The following TNKS2 variants were observed in gnomAD, a reference collection of about 807,000 sequenced individuals.
The protein encoded by TNKS2 is poly [ADP-ribose] polymerase tankyrase-2.
In TNKS2, 72 loss-of-function variants were observed where a neutral mutation model predicts 137.6. The observed-to-expected ratio is 0.52, with a 90% CI of 0.43 to 0.64. The LOEUF is 0.64. Among genes scored for constraint, TNKS2 ranks in the 30% least tolerant of loss-of-function variants. TNKS2 has a pLI of 0.00. For synonymous variants in TNKS2, 516 were observed against 512.1 expected, an observed-to-expected ratio of 1.01 and a Z score of -0.10; for missense variants, 1,049 against 1,410.2, an observed-to-expected ratio of 0.74 and a Z score of 4.10.
rs1341703736 is a variant in TNKS2, at chr10:91,798,895, CG to C, written c.199+10del. 4 of 1,377,982 alleles carry C rather than the reference CG, an allele frequency of 2.9e-6. No homozygotes were observed. Among genetic ancestry groups the C allele is most frequent in the South Asian group, 3.4e-5 (2 of 59,406 alleles). 85.4% of individuals were successfully genotyped at this position (1,377,982 alleles called of 1,614,324 possible). ...CCCGCTGCACTTCGCCGCAGGTAACCGGGGCCAGCGTCCCCTCGCCTCGCTC... is the reference window on the plus strand; with the variant it reads ...CCCGCTGCACTTCGCCGCAGGTAACCGGGCCAGCGTCCCCTCGCCTCGCTC... On this transcript the variant is annotated splice_region_variant and intron_variant, in intron 1 of 26. Coordinates refer to ENST00000371627, the MANE Select transcript of TNKS2 (RefSeq NM_025235.4).
At chr10:91,816,994 C>A in intron 2 of TNKS2, 140 bp from the exon 3 acceptor site, 1 of 557,958 alleles carries the variant, frequency 1.8e-6, no homozygotes, top group Non-Finnish European at 3.3e-6. Context: ...TAAAATGTAA[C>A]ATTCCCATTC....
At chr10:91,849,461 A>T in intron 19 of TNKS2, 51 bp from the exon 20 acceptor site, 1 of 1,409,750 alleles carries the variant, frequency 7.1e-7, no homozygotes, top group Non-Finnish European at 9.9e-7. Flanking sequence ...GTGATGAAAT[A>T]CATTATTCTG....
At chr10:91,810,908 C>CTTTCTCTCTTT (rs1472899869) in intron 1 of TNKS2, among the ~76,000 whole-genome samples, 1 of 56,734 alleles carries the variant, frequency 1.8e-5, no homozygotes, top group South Asian at 9.6e-4. Context: ...TTTTCTTTCT[C>CTTTCTCTCTTT]TCTTTTCTTT....
At chr10:91,825,195 C>A (rs751479497) in intron 7 of TNKS2, among the ~76,000 whole-genome samples, 2 of 152,016 alleles carry the variant, frequency 1.3e-5, no homozygotes, top group Non-Finnish European at 2.9e-5. Flanking sequence ...GCAACCTTCC[C>A]GGGCTCAGGT....
intron 1 of TNKS2, among the ~76,000 whole-genome samples, chr10:91,801,225 A>G (rs1321490844): frequency 1.3e-5 from 2 of 152,220 alleles, no homozygotes; most frequent in Non-Finnish European, 1.5e-5. Context: ...AAGTTAGTTC[A>G]ATTAAAAGAA....
chr10:91,836,877 A>C, intron 12 of TNKS2, 42 bp from the exon 13 acceptor site: 1 of 1,590,648 alleles, frequency 6.3e-7, no homozygotes. Flanking sequence ...TCCATCTTCC[A>C]AATAGAGGTT....
chr10:91,815,911 A>G (rs1844677006), intron 2 of TNKS2, among the ~76,000 whole-genome samples: 1 of 151,488 alleles, frequency 6.6e-6, no homozygotes, highest in Non-Finnish European at 1.5e-5. Flanking sequence ...AATAATACAA[A>G]TAATAATACA....
chr10:91,841,488 T>C, intron 15 of TNKS2, 40 bp downstream of exon 15: 1 of 1,471,788 alleles, frequency 6.8e-7, no homozygotes, highest in Non-Finnish European at 9.1e-7. Flanking sequence ...ATGAATTACA[T>C]AGCATATGTT....
At chr10:91,838,398 T>A (rs7906805) in intron 13 of TNKS2, among the ~76,000 whole-genome samples, 49,328 of 151,760 alleles carry the variant, frequency 0.33, 8,465 homozygotes, top group South Asian at 0.53. Flanking sequence ...TCTGTACGAA[T>A]CACTGGGACA....
intron 1 of TNKS2, chr10:91,807,404 G>A (rs558994006): frequency 1.6e-4 from 264 of 1,614,038 alleles, no homozygotes; most frequent in Non-Finnish European, 2.0e-4. Flanking sequence ...TCTCGGCAGC[G>A]CGGCTGAACT....
In TNKS2 at chr10:91,842,384, T is replaced by G. The variant is rs755842324; in HGVS notation, c.2052T>G (p.His684Gln). ...AAGGCAGACATTCAACACCTTTACA[T>G]TTAGCAGGTAAGTGAATGAAGTTTC... Reference protein sequence around the residue: ...DTQGRHSTPLHLAAGYNNLEV... With the variant: ...DTQGRHSTPLQLAAGYNNLEV... The change falls in exon 16 of 27, where the codon CAT (histidine) becomes CAG (glutamine). Residue 684 changes from histidine (H) to glutamine (Q), a missense_variant. Coordinates refer to ENST00000371627, the MANE Select transcript of TNKS2 (RefSeq NM_025235.4). 7 of 1,613,796 alleles carry G rather than the reference T, an allele frequency of 4.3e-6. No homozygotes were observed. The Admixed American group carries it at 1.2e-4, about 27-fold the overall frequency.
chr10:91,807,192 A>G (rs1195289133), intron 1 of TNKS2: 25 of 1,607,498 alleles, frequency 1.6e-5, no homozygotes, highest in Admixed American at 3.3e-5. Context: ...CTCAGTTTCC[A>G]TGGTAACATT....
At chr10:91,854,946 G>T in intron 21 of TNKS2, 83 bp from the exon 22 acceptor site, 7 of 641,308 alleles carry the variant, frequency 1.1e-5, no homozygotes, top group South Asian at 2.1e-5. Flanking sequence ...GTAAGAATCA[G>T]AAAAATTAGG....
intron 7 of TNKS2, among the ~76,000 whole-genome samples, chr10:91,823,154 T>C (rs574126996): frequency 3.7e-4 from 56 of 152,166 alleles, no homozygotes; most frequent in South Asian, 2.1e-3. Context: ...GTGAATCATA[T>C]TTTGTTAAAA....
At chr10:91,848,684 A>G (rs771957186) in intron 19 of TNKS2, 49 bp downstream of exon 19, 3 of 1,589,948 alleles carry the variant, frequency 1.9e-6, no homozygotes, top group Admixed American at 3.5e-5. Flanking sequence ...GTAGCCCCGT[A>G]TTTGTCATTT....
chr10:91,829,346 A>G (rs976362995), intron 9 of TNKS2, among the ~76,000 whole-genome samples: 2 of 152,178 alleles, frequency 1.3e-5, no homozygotes, highest in South Asian at 2.1e-4. Context: ...TAAAACCACA[A>G]CAGCATTAAA....
chr10:91,842,713 A>G (rs1842247732), intron 16 of TNKS2, among the ~76,000 whole-genome samples: 1 of 152,116 alleles, frequency 6.6e-6, no homozygotes, highest in African/African-American at 2.4e-5. Flanking sequence ...CACGGATGCA[A>G]TAAGCCTTGA....
intron 16 of TNKS2, among the ~76,000 whole-genome samples, chr10:91,844,664 A>T (rs1468542627): frequency 1.3e-5 from 2 of 152,230 alleles, no homozygotes; most frequent in Admixed American, 6.5e-5. Flanking sequence ...AAGCTAATTG[A>T]TAACACAAAA....
In TNKS2 at chr10:91,862,029, A is replaced by T; in HGVS notation, c.3312A>T (p.Gly1104=). The stretch of plus-strand genomic sequence containing the variant: ...TGCTCTTTTGCCGGGTAACCTTGGG[A>T]AAGTCTTTCCTGCAGTTCAGTGCAA... ...RQLLFCRVTL[G]KSFLQFSAMK... is the part of the protein sequence containing the mutation. Residue 1104 remains glycine (G), a synonymous_variant, in exon 26 of 27, where the codon GGA becomes GGT. Transcript: ENST00000371627. 6.2e-7 allele frequency: 1 copy of T among 1,611,098 alleles called. No homozygotes were observed. Among genetic ancestry groups the T allele is most frequent in the Non-Finnish European group, 8.5e-7 (1 of 1,178,394 alleles).
Sources: gnomAD v4.1 joint callset for allele counts (sites outside exome capture counted in the v4.1 genomes callset) on GRCh38, gnomAD v4.1.1 for gene constraint, MANE v1.5 for transcripts, NCBI Gene and HGNC (gene_info 2026-07-23, HGNC 2026-07-21) for gene names.